ZNF365: variants seen among roughly 807,000 people sequenced by gnomAD.
ZNF365 encodes protein ZNF365.
Under a neutral mutation model 35.0 loss-of-function variants are expected in ZNF365, and 22 were observed. The observed-to-expected ratio is 0.63, with a 90% CI of 0.45 to 0.90. The LOEUF is 0.90. Ranked by LOEUF, ZNF365 falls within the 40% of genes least tolerant of loss-of-function variation. The pLI is 0.00. For synonymous variants in ZNF365, 188 were observed against 196.2 expected (o/e 0.96, Z 0.35); for missense variants, 448 against 500.3 (o/e 0.90, Z 1.00).
In ZNF365 at chr10:62,448,255, CAG is replaced by C. The variant is rs1275327445; in HGVS notation, c.925-11483_925-11482del. 3.3e-5 allele frequency among the ~76,000 whole-genome samples: 5 copies of C among 152,108 alleles called. No homozygotes were observed. The East Asian group carries it at 9.6e-4, about 29-fold the overall frequency. ...TGCACATATCTTAAGGGTATATTTG[CAG>C]AGTTTTGGCAGTTGTACACACTCAG... On this transcript the variant is annotated intron_variant, in intron 3 of 4. Transcript: ENST00000395255.
At chr10:62,415,912 A>G (rs1447275934) in intron 3 of ZNF365, among the ~76,000 whole-genome samples, 1 of 152,180 alleles carries the variant, frequency 6.6e-6, no homozygotes, top group Non-Finnish European at 1.5e-5. Flanking sequence ...TTAGAAAATT[A>G]GCCATTCTTG....
chr10:62,425,804 AT>A (rs1348592921), intron 3 of ZNF365, among the ~76,000 whole-genome samples: 1 of 152,180 alleles, frequency 6.6e-6, no homozygotes, highest in Non-Finnish European at 1.5e-5. Context: ...TTGTTCATTT[AT>A]CACCATTAGA....
chr10:62,393,874 G>C (rs1839677131), intron 3 of ZNF365, among the ~76,000 whole-genome samples: 1 of 152,156 alleles, frequency 6.6e-6, no homozygotes, highest in African/African-American at 2.4e-5. Context: ...GAGGGTTGGA[G>C]GGAGGATACG....
intron 3 of ZNF365, among the ~76,000 whole-genome samples, chr10:62,434,144 G>T (rs1165129306): frequency 3.3e-5 from 5 of 152,180 alleles, no homozygotes; most frequent in Admixed American, 1.3e-4. Context: ...GGTGAGGCCT[G>T]AGAATTGATA....
intron 3 of ZNF365, among the ~76,000 whole-genome samples, chr10:62,450,298 A>G (rs555139381): frequency 5.9e-5 from 9 of 152,292 alleles, no homozygotes; most frequent in East Asian, 3.9e-4. Flanking sequence ...TACAAACATC[A>G]TTTCATTTAA....
At chr10:62,449,609 C>A (rs924874327) in intron 3 of ZNF365, among the ~76,000 whole-genome samples, 4 of 152,120 alleles carry the variant, frequency 2.6e-5, no homozygotes, top group African/African-American at 9.7e-5. Flanking sequence ...TAAAAAAATT[C>A]TTCTGTAAGC....
At chr10:62,408,466 T>A (rs930816710) in intron 3 of ZNF365, among the ~76,000 whole-genome samples, 1 of 152,176 alleles carries the variant, frequency 6.6e-6, no homozygotes, top group Non-Finnish European at 1.5e-5. Flanking sequence ...ACTAGTTTTA[T>A]TATCTTGAGC....
At position 62,376,338 on chromosome 10, in the gene ZNF365, T is replaced by G; in HGVS notation, c.145T>G (p.Phe49Val). 6.2e-7 allele frequency: 1 copy of G among 1,613,834 alleles called. No homozygotes were observed. Among genetic ancestry groups the G allele is most frequent in the Non-Finnish European group, 8.5e-7 (1 of 1,179,974 alleles). Residue 49 changes from phenylalanine to valine, a missense_variant, in exon 2 of 5, where the codon TTC becomes GTC. By Grantham distance (50) the Phe-to-Val change is conservative. This residue lies in a region of ZNF365 where 76 missense variants were observed against 96.7 expected (regional missense o/e 0.79). Transcript: ENST00000395254. ...GTCATCCTTGAGGGCCCATCTGGAGTTCAGTCACAGCTACGAAGAAAGAAC... is the reference window on the plus strand; with the variant it reads ...GTCATCCTTGAGGGCCCATCTGGAGGTCAGTCACAGCTACGAAGAAAGAAC... ...SLSSLRAHLE[F>V]SHSYEERTLL... is the part of the protein sequence containing the mutation.
chr10:62,414,464 CT>C (rs1340806742), intron 3 of ZNF365, among the ~76,000 whole-genome samples: 1 of 152,054 alleles, frequency 6.6e-6, no homozygotes, highest in African/African-American at 2.4e-5. Context: ...CCACTTTGGC[CT>C]CCCAAAGTGC....
intron 3 of ZNF365, among the ~76,000 whole-genome samples, chr10:62,454,586 C>T (rs1406735184): frequency 6.6e-6 from 1 of 151,528 alleles, no homozygotes; most frequent in Non-Finnish European, 1.5e-5. Flanking sequence ...TGGACATATA[C>T]CAAGGTGTTG....
intron 3 of ZNF365, among the ~76,000 whole-genome samples, chr10:62,444,921 C>T (rs1488112309): frequency 6.6e-6 from 1 of 152,078 alleles, no homozygotes; most frequent in East Asian, 1.9e-4. Context: ...GCTATCCCTC[C>T]CCCCTCTCCC....
intron 3 of ZNF365, among the ~76,000 whole-genome samples, chr10:62,455,088 G>T (rs768240780): frequency 6.6e-6 from 1 of 152,188 alleles, no homozygotes; most frequent in Non-Finnish European, 1.5e-5. Context: ...GAAGGCTTTG[G>T]TGGGGCATGC....
At chr10:62,473,540 C>A (rs1252068027) in intron 4 of ZNF365, among the ~76,000 whole-genome samples, 1 of 151,806 alleles carries the variant, frequency 6.6e-6, no homozygotes, top group Non-Finnish European at 1.5e-5. Flanking sequence ...TAGTTAGTTA[C>A]GTGACATTGA....
chr10:62,408,222 C>G (rs377271241), intron 3 of ZNF365, among the ~76,000 whole-genome samples: 2 of 152,262 alleles, frequency 1.3e-5, no homozygotes, highest in African/African-American at 2.4e-5. Context: ...AGTCTTCTCT[C>G]TCCCCTAATA....
At chr10:62,477,202 A>C (rs772116763) in intron 4 of ZNF365, among the ~76,000 whole-genome samples, 225 of 152,324 alleles carry the variant, frequency 1.5e-3, no homozygotes, top group Non-Finnish European at 2.6e-3. Flanking sequence ...CTAAATAATG[A>C]ATGTGGCTGG....
At chr10:62,418,706 T>G (rs1352737950) in intron 3 of ZNF365, among the ~76,000 whole-genome samples, 2 of 152,104 alleles carry the variant, frequency 1.3e-5, no homozygotes, top group African/African-American at 4.8e-5. Flanking sequence ...TTTAAGCATA[T>G]TCATCTTGGT....
rs80339544 is a variant in ZNF365 at position 62,454,609 on chromosome 10, G to T, written c.925-5132G>T. Among the ~76,000 whole-genome samples the T allele has an allele frequency of 5.4e-4, 82 of 152,162 alleles. 2 individuals carry two copies. The East Asian group carries it at 0.015, about 29-fold the overall frequency. On this transcript the variant is annotated intron_variant, in intron 3 of 4. Transcript: ENST00000395255. ...TACCAAGGTGTTGATGTTACTGAGAGGTGGTATTACATGTGCTTCATGTTT... is the reference window on the plus strand; with the variant it reads ...TACCAAGGTGTTGATGTTACTGAGATGTGGTATTACATGTGCTTCATGTTT...
intron 3 of ZNF365, among the ~76,000 whole-genome samples, chr10:62,422,809 C>T (rs1175350302): frequency 6.6e-6 from 1 of 152,110 alleles, no homozygotes; most frequent in African/African-American, 2.4e-5. Flanking sequence ...ACTCCATGAT[C>T]ACAAGAAAAG....
intron 3 of ZNF365, among the ~76,000 whole-genome samples, chr10:62,429,816 C>T (rs1302348443): frequency 6.6e-6 from 1 of 152,178 alleles, no homozygotes; most frequent in Non-Finnish European, 1.5e-5. Flanking sequence ...TTGCCTACCA[C>T]TAGGAGTCAC....
Sources: gnomAD v4.1 joint callset for allele counts (sites outside exome capture counted in the v4.1 genomes callset) on GRCh38, gnomAD v4.1.1 for gene constraint, gnomAD v4.1.1 regional missense constraint, MANE v1.5 for transcripts, NCBI Gene and HGNC (gene_info 2026-07-23, HGNC 2026-07-21) for gene names.